FBN1: variants seen among roughly 807,000 people sequenced by gnomAD.
FBN1 encodes the protein fibrillin-1.
A neutral mutation model predicts 365.1 loss-of-function variants in FBN1; 29 were observed. The ratio of observed to expected loss-of-function variants is 0.08; its 90% CI spans 0.06 to 0.11. The LOEUF is 0.11. Among genes scored for constraint, FBN1 ranks in the 10% least tolerant of loss-of-function variants. The pLI is 1.00. For synonymous variants in FBN1, 1,210 were observed against 1,270.5 expected (o/e 0.95, Z 1.01); for missense variants, 2,476 against 3,703.2 (o/e 0.67, Z 8.60).
At chr15:48,632,959 T>G (rs1555406750) in intron 2 of FBN1, among the ~76,000 whole-genome samples, 1 of 152,164 alleles carries the variant, frequency 6.6e-6, no homozygotes, top group Non-Finnish European at 1.5e-5. Context: ...GCACCAGCAG[T>G]CCATGAAAGA....
At position 48,503,768 on chromosome 15, in the gene FBN1, T is replaced by A. The variant is rs541501178; in HGVS notation, c.2113+19A>T. ...GCAGAAGGCTGGCAGTACGAGGGCA[T>A]CTCCATGATACCACATACCTGAATT... On this transcript the variant is annotated intron_variant, in intron 17 of 65. Coordinates refer to ENST00000316623, the MANE Select transcript of FBN1 (RefSeq NM_000138.5). 6.8e-6 allele frequency: 11 copies of A among 1,613,244 alleles called. No homozygotes were observed. The East Asian group carries it at 1.6e-4, about 23-fold the overall frequency.
At chr15:48,589,032 T>C (rs2044456634) in intron 6 of FBN1, among the ~76,000 whole-genome samples, 1 of 152,156 alleles carries the variant, frequency 6.6e-6, no homozygotes, top group Non-Finnish European at 1.5e-5. Flanking sequence ...AAAAAATGCA[T>C]GAATGTTTTC....
At chr15:48,510,841 A>G (rs1441611739) in intron 13 of FBN1, among the ~76,000 whole-genome samples, 2 of 152,212 alleles carry the variant, frequency 1.3e-5, no homozygotes, top group Non-Finnish European at 2.9e-5. Context: ...AATAACAATA[A>G]CTGAAACAAC....
intron 40 of FBN1, 105 bp downstream of exon 40, chr15:48,465,463 A>G: frequency 2.2e-6 from 3 of 1,361,154 alleles, no homozygotes; most frequent in Non-Finnish European, 1.0e-6. Flanking sequence ...TGTTTAGAAC[A>G]TTGTGCTACA....
chr15:48,499,679 GAGAT>G (rs1348928415), intron 17 of FBN1, among the ~76,000 whole-genome samples: 1 of 151,956 alleles, frequency 6.6e-6, no homozygotes, highest in Non-Finnish European at 1.5e-5. Context: ...CCCCAAATTT[GAGAT>G]AGAATCAAAT....
intron 32 of FBN1, among the ~76,000 whole-genome samples, chr15:48,479,924 A>G (rs1387837685): frequency 6.6e-6 from 1 of 152,240 alleles, no homozygotes; most frequent in Admixed American, 6.5e-5. Context: ...GACTAGAAGC[A>G]ATGGCTTTCA....
chr15:48,595,134 C>T (rs907103205), intron 6 of FBN1, among the ~76,000 whole-genome samples: 2 of 152,118 alleles, frequency 1.3e-5, no homozygotes, highest in African/African-American at 2.4e-5. Context: ...TCAAAGTAAT[C>T]GACCTGGAAT....
In FBN1 at chr15:48,432,462, T is replaced by C. The variant is rs141787912; in HGVS notation, c.6739+404A>G. Among the ~76,000 whole-genome samples the C allele has an allele frequency of 3.5e-3, 526 of 152,326 alleles. 3 individuals are homozygous for C. Among genetic ancestry groups the C allele is most frequent in the Non-Finnish European group, 6.1e-3 (415 of 68,028 alleles). ...CCCCATTCTTGAAATAGAATATCCT[T>C]TGGTGTTCTCAGAGCATTTTGTATA... On this transcript the variant is annotated intron_variant, in intron 55 of 65. Coordinates refer to ENST00000316623, the MANE Select transcript of FBN1 (RefSeq NM_000138.5).
At chr15:48,570,975 G>A (rs1210284243) in intron 6 of FBN1, among the ~76,000 whole-genome samples, 1 of 152,108 alleles carries the variant, frequency 6.6e-6, no homozygotes, top group Admixed American at 6.6e-5. Flanking sequence ...TAATAGTGAG[G>A]GTACATTGTT....
At chr15:48,513,400 T>C in intron 13 of FBN1, 149 bp downstream of exon 13, 1 of 1,032,196 alleles carries the variant, frequency 9.7e-7, no homozygotes, top group South Asian at 1.3e-5. Context: ...TCTTTCAGAA[T>C]GACAATAGGT....
chr15:48,445,969 A>G (rs561219667), intron 47 of FBN1, among the ~76,000 whole-genome samples: 2 of 152,268 alleles, frequency 1.3e-5, no homozygotes, highest in East Asian at 1.9e-4. Flanking sequence ...TGTAGATTCA[A>G]TGATTTATTT....
intron 32 of FBN1, among the ~76,000 whole-genome samples, chr15:48,477,843 C>T (rs751103705): frequency 5.4e-4 from 82 of 152,128 alleles, no homozygotes; most frequent in Admixed American, 3.1e-3. Context: ...CCTTCTTAAC[C>T]CCACCAAACC....
intron 30 of FBN1, among the ~76,000 whole-genome samples, chr15:48,484,747 T>A (rs966431453): frequency 6.6e-6 from 1 of 152,196 alleles, no homozygotes; most frequent in Non-Finnish European, 1.5e-5. Flanking sequence ...GTAAAATAAT[T>A]TTGGTTCCTA....
rs367813484 is a variant in FBN1 at position 48,503,968 on chromosome 15, A to G, written c.1961-29T>C. The G allele has an allele frequency of 8.2e-5, 132 of 1,613,522 alleles. 1 individual carries two copies. The highest frequency in any genetic ancestry group is 3.4e-4 in the Middle Eastern group (2 of 5,868). On this transcript the variant is annotated intron_variant, in intron 16 of 65. Transcript: ENST00000316623. The stretch of plus-strand genomic sequence containing the variant: ...AACAGGAAGAAGCATCTGTCATCAC[A>G]CTGTCACTTCAAACAGATGAGAACC...
At chr15:48,486,173 A>C (rs372329819) in intron 29 of FBN1, among the ~76,000 whole-genome samples, 1 of 152,248 alleles carries the variant, frequency 6.6e-6, no homozygotes, top group African/African-American at 2.4e-5. Flanking sequence ...CAGTTATGAT[A>C]ATAGGCACGT....
chr15:48,425,528 A>G (rs1191045213), intron 59 of FBN1, 37 bp from the exon 60 acceptor site: 2 of 1,613,706 alleles, frequency 1.2e-6, no homozygotes, highest in Non-Finnish European at 1.7e-6. Flanking sequence ...TGTGCATCTA[A>G]AAATGATGTG....
Position 48,465,604 on chromosome 15 carries a change from C to T in FBN1, c.4906G>A (p.Gly1636Ser), listed in dbSNP as rs767451077. 4.3e-6 allele frequency: 7 copies of T among 1,614,088 alleles called. No individual in the cohort carries two copies. The highest frequency in any genetic ancestry group is 2.2e-5 in the East Asian group (1 of 44,878). The change falls in exon 40 of 66, where the codon GGC becomes AGC. Residue 1636 changes from glycine to serine, a missense_variant. By Grantham distance (56) the Gly-to-Ser change is moderately conservative (BLOSUM62 0). Around this residue, in one of 5 missense-constraint regions of FBN1, gnomAD observed 1,780 missense variants for 2,840.8 expected, o/e 0.63. Transcript: ENST00000316623. ...CGTGTATCTTCATTCAGGTAGTAGC[C>T]GGTTGGACAGCGGCACTGGAAACTC... is the stretch of plus-strand genomic sequence containing the variant. ...FGSFQCRCPT[G>S]YYLNEDTRVC...
chr15:48,498,519 T>C (rs2291117), intron 18 of FBN1, among the ~76,000 whole-genome samples: 34,660 of 152,126 alleles, frequency 0.23, 4,859 homozygotes, highest in African/African-American at 0.39. Flanking sequence ...TCATTCTCTT[T>C]TAACTCAGTT....
intron 31 of FBN1, among the ~76,000 whole-genome samples, chr15:48,482,879 G>GA (rs1223403422): frequency 6.6e-6 from 1 of 152,182 alleles, no homozygotes; most frequent in African/African-American, 2.4e-5. Flanking sequence ...AATTCACAGG[G>GA]AATTGGGTAG....
Sources: gnomAD v4.1 joint callset for allele counts (sites outside exome capture counted in the v4.1 genomes callset) on GRCh38, gnomAD v4.1.1 for gene constraint, gnomAD v4.1.1 regional missense constraint, MANE v1.5 for transcripts, NCBI Gene and HGNC (gene_info 2026-07-23, HGNC 2026-07-21) for gene names.